Variants in ANKS1B observed in about 807,000 individuals in gnomAD.
The protein encoded by ANKS1B is ankyrin repeat and sterile alpha motif domain-containing protein 1B.
Under a neutral mutation model 148.3 loss-of-function variants are expected in ANKS1B, and 36 were observed. That is an observed-to-expected ratio of 0.24 (90% CI 0.19 to 0.32). The LOEUF (loss-of-function observed/expected upper bound fraction) is 0.32, where lower values mean the gene tolerates loss of function less well. Ranked by LOEUF, ANKS1B falls within the 10% of genes least tolerant of loss-of-function variation. The probability of loss-of-function intolerance (pLI) is 1.00; values close to 1 mark genes in which losing one functional copy is unlikely to be tolerated. For missense variants in ANKS1B, 1,157 were observed against 1,542.6 expected (o/e 0.75, Z 4.19); for synonymous variants, 542 against 560.8 (o/e 0.97, Z 0.47).
At chr12:99,868,189 G>T (rs956695060) in intron 1 of ANKS1B, among the ~76,000 whole-genome samples, 2 of 152,176 alleles carry the variant, frequency 1.3e-5, no homozygotes, top group Admixed American at 6.5e-5. Flanking sequence ...TCAGGATAGT[G>T]GTTGTCCTTT....
chr12:99,703,159 A>C (rs2055148896), intron 8 of ANKS1B, among the ~76,000 whole-genome samples: 1 of 152,100 alleles, frequency 6.6e-6, no homozygotes, highest in Non-Finnish European at 1.5e-5. Context: ...TCTTGATTCC[A>C]GTTTTAAATT....
chr12:99,859,934 C>T (rs1354951400), intron 1 of ANKS1B, among the ~76,000 whole-genome samples: 1 of 152,164 alleles, frequency 6.6e-6, no homozygotes, highest in African/African-American at 2.4e-5. Context: ...AGGCATGGGC[C>T]ACCGCGCCCG....
rs541815563 is a variant in ANKS1B at position 98,866,058 on chromosome 12, AGCCC to A, written c.2779-33926_2779-33923del. On this transcript the variant is annotated intron_variant, in intron 17 of 26. Transcript: ENST00000683438. ...TGTTGTTGTTCTTGTTAAGGTACTA[AGCCC>A]CTCCCAAAGGCCCCACCTCCTAATA... 5.7e-3 allele frequency among the ~76,000 whole-genome samples: 875 copies of A among 152,248 alleles called. 5 individuals are homozygous for A. The highest frequency in any genetic ancestry group is 0.02 in the Middle Eastern group (6 of 294).
At chr12:99,729,593 A>ATC in intron 8 of ANKS1B, among the ~76,000 whole-genome samples, 1 of 152,168 alleles carries the variant, frequency 6.6e-6, no homozygotes, top group East Asian at 1.9e-4. Context: ...CTTTGAACAT[A>ATC]TCTACAATGG....
intron 11 of ANKS1B, among the ~76,000 whole-genome samples, chr12:99,421,982 A>C (rs1450140216): frequency 6.6e-6 from 1 of 152,192 alleles, no homozygotes; most frequent in Non-Finnish European, 1.5e-5. Context: ...TGCACTTCAC[A>C]ACTTCTGCCA....
chr12:99,003,658 G>A (rs77078458), intron 17 of ANKS1B, among the ~76,000 whole-genome samples: 5,337 of 152,196 alleles, frequency 0.035, 256 homozygotes, highest in African/African-American at 0.11. Flanking sequence ...ATGGCTCTAT[G>A]AAGGCAGGAC....
chr12:98,969,152 C>A (rs1314133047), intron 17 of ANKS1B, among the ~76,000 whole-genome samples: 1 of 152,184 alleles, frequency 6.6e-6, no homozygotes, highest in Admixed American at 6.5e-5. Context: ...TGAAATGTAG[C>A]TTGGCTCTGT....
chr12:99,131,610 A>G (rs1232735324), intron 15 of ANKS1B, among the ~76,000 whole-genome samples: 1 of 152,188 alleles, frequency 6.6e-6, no homozygotes, highest in Non-Finnish European at 1.5e-5. Flanking sequence ...CAATAGATAC[A>G]GGCCATTTCT....
intron 14 of ANKS1B, among the ~76,000 whole-genome samples, chr12:99,217,942 C>T (rs368598354): frequency 6.6e-6 from 1 of 152,118 alleles, no homozygotes. Context: ...AAAACCCAAT[C>T]TATAATCTTT....
intron 4 of ANKS1B, among the ~76,000 whole-genome samples, chr12:99,792,216 A>C (rs1160361184): frequency 6.6e-6 from 1 of 152,030 alleles, no homozygotes; most frequent in African/African-American, 2.4e-5. Flanking sequence ...AAGCCCAAAC[A>C]GACGAATAAC....
chr12:98,919,149 C>G (rs747393883), intron 17 of ANKS1B, among the ~76,000 whole-genome samples: 4 of 152,060 alleles, frequency 2.6e-5, no homozygotes, highest in Non-Finnish European at 5.9e-5. Flanking sequence ...GGCTCTGTTT[C>G]TTTTCCTACT....
rs960999 is a variant in ANKS1B, at chr12:99,709,156, A to C, written c.1129-53946T>G. On this transcript the variant is annotated intron_variant, in intron 8 of 26. Transcript: ENST00000683438. Reference sequence around the variant, plus strand: ...CTGCTGTGTGTGTGTGCACGCACACATGCACACATAAGCACACGCAAGCTT... The same window carrying C: ...CTGCTGTGTGTGTGTGCACGCACACCTGCACACATAAGCACACGCAAGCTT... Among the ~76,000 whole-genome samples, 410 of 152,138 alleles carry C rather than the reference A, an allele frequency of 2.7e-3. 6 individuals are homozygous for C. The highest frequency in any genetic ancestry group is 9.5e-3 in the African/African-American group (396 of 41,516).
In ANKS1B at chr12:99,762,318, CTTCATGGT is replaced by C. The variant is rs2153609133; in HGVS notation, c.1128+10596_1128+10603del. Among the ~76,000 whole-genome samples the C allele has an allele frequency of 2.0e-5, 3 of 149,422 alleles. No individual in the cohort carries two copies. The East Asian group carries it at 6.5e-4, about 32-fold the overall frequency. On this transcript the variant is annotated intron_variant, in intron 8 of 26. Coordinates refer to ENST00000683438, the MANE Select transcript of ANKS1B (RefSeq NM_001352186.2). ...TACTATACAGCTACAATAACAAATACTTCATGGTACTGGTACAAAAACAGAAACATAGA... is the reference window on the plus strand; with the variant it reads ...TACTATACAGCTACAATAACAAATACACTGGTACAAAAACAGAAACATAGA...
At chr12:99,066,098 C>G (rs1447454150) in intron 16 of ANKS1B, among the ~76,000 whole-genome samples, 1 of 151,994 alleles carries the variant, frequency 6.6e-6, no homozygotes, top group Non-Finnish European at 1.5e-5. Context: ...GGCAGATTGC[C>G]TGAGCTCAGG....
intron 15 of ANKS1B, among the ~76,000 whole-genome samples, chr12:99,131,324 C>T (rs1355696462): frequency 6.6e-6 from 1 of 152,206 alleles, no homozygotes; most frequent in Non-Finnish European, 1.5e-5. Flanking sequence ...TGACTTTTCA[C>T]TTTCAGTTCT....
chr12:98,951,964 T>C (rs1291819603), intron 17 of ANKS1B, among the ~76,000 whole-genome samples: 1 of 152,202 alleles, frequency 6.6e-6, no homozygotes. Context: ...GTACCTAGCA[T>C]ACAAAAAGCC....
chr12:99,025,377 T>A (rs1290441640), intron 17 of ANKS1B, among the ~76,000 whole-genome samples: 1 of 152,220 alleles, frequency 6.6e-6, no homozygotes. Context: ...AAACTCATAA[T>A]TTGTTTTGAG....
chr12:99,196,705 T>C (rs1478827847), intron 14 of ANKS1B, among the ~76,000 whole-genome samples: 1 of 152,032 alleles, frequency 6.6e-6, no homozygotes, highest in African/African-American at 2.4e-5. Flanking sequence ...ACATGTGCCA[T>C]GCTGGTGTGC....
chr12:99,217,057 T>G (rs1047483594), intron 14 of ANKS1B, among the ~76,000 whole-genome samples: 1 of 152,150 alleles, frequency 6.6e-6, no homozygotes, highest in African/African-American at 2.4e-5. Context: ...AAAAATAACA[T>G]GGGCCCTGAT....
Sources: allele counts gnomAD v4.1 joint callset (sites outside exome capture counted in the v4.1 genomes callset), GRCh38; gene constraint gnomAD v4.1.1; transcripts MANE v1.5; gene names NCBI Gene and HGNC (gene_info 2026-07-23, HGNC 2026-07-21).